The following CCSER1 variants were observed in gnomAD, a reference collection of about 807,000 sequenced individuals.
CCSER1 encodes coiled-coil serine rich protein 1.
Under a neutral mutation model 82.0 loss-of-function variants are expected in CCSER1, and 41 were observed. The ratio of observed to expected loss-of-function variants is 0.50; its 90% CI spans 0.39 to 0.65. The LOEUF is 0.65. Among genes scored for constraint, CCSER1 ranks in the 30% least tolerant of loss-of-function variants. CCSER1 has a pLI of 0.00. For synonymous variants in CCSER1, 414 were observed against 383.9 expected (o/e 1.08, Z -0.92); for missense variants, 1,119 against 1,064.2 (o/e 1.05, Z -0.72).
At chr4:90,520,747 CAT>C (rs1203197244) in intron 5 of CCSER1, among the ~76,000 whole-genome samples, 11 of 152,038 alleles carry the variant, frequency 7.2e-5, no homozygotes, top group Non-Finnish European at 1.2e-4. Context: ...AAGGAAGAAA[CAT>C]GTGATGCAAA....
At chr4:91,203,998 T>C (rs1384672588) in intron 10 of CCSER1, among the ~76,000 whole-genome samples, 2 of 151,900 alleles carry the variant, frequency 1.3e-5, no homozygotes. Flanking sequence ...TTTTAATATA[T>C]AGTTAGTGAC....
intron 9 of CCSER1, among the ~76,000 whole-genome samples, chr4:90,948,710 A>T (rs1331298520): frequency 6.6e-6 from 1 of 152,074 alleles, no homozygotes. Context: ...CTTTGTAAAA[A>T]ATAGAATTAG....
chr4:90,921,268 G>A (rs1025810081), intron 8 of CCSER1, among the ~76,000 whole-genome samples: 1 of 150,980 alleles, frequency 6.6e-6, no homozygotes, highest in Non-Finnish European at 1.5e-5. Context: ...ACTTTCATAT[G>A]TTTACGGCCT....
intron 10 of CCSER1, among the ~76,000 whole-genome samples, chr4:91,151,988 G>A (rs1335820340): frequency 6.6e-6 from 1 of 152,144 alleles, no homozygotes; most frequent in African/African-American, 2.4e-5. Flanking sequence ...TGTCTATTAG[G>A]TCCACTTAGT....
intron 8 of CCSER1, among the ~76,000 whole-genome samples, chr4:90,914,133 A>G (rs1426999292): frequency 3.3e-5 from 5 of 152,210 alleles, no homozygotes; most frequent in East Asian, 1.9e-4. Context: ...TCAGCTGTGC[A>G]CCAAGTGGAC....
chr4:90,229,355 A>G (rs1287385478), intron 1 of CCSER1, among the ~76,000 whole-genome samples: 2 of 152,218 alleles, frequency 1.3e-5, no homozygotes. Context: ...CCAGAATTTC[A>G]TATCCAGCCA....
At chr4:90,836,850 C>A (rs971927106) in intron 8 of CCSER1, among the ~76,000 whole-genome samples, 3 of 152,226 alleles carry the variant, frequency 2.0e-5, no homozygotes, top group Non-Finnish European at 4.4e-5. Flanking sequence ...CTGGTCTAGA[C>A]CATCGCAACA....
chr4:90,581,918 T>C (rs1235346900), intron 5 of CCSER1, among the ~76,000 whole-genome samples: 1 of 152,084 alleles, frequency 6.6e-6, no homozygotes, highest in Non-Finnish European at 1.5e-5. Context: ...GGTAGCAACG[T>C]ACCATGTGTA....
intron 9 of CCSER1, among the ~76,000 whole-genome samples, chr4:90,986,836 AT>A (rs561148405): frequency 2.0e-5 from 3 of 151,748 alleles, no homozygotes. Flanking sequence ...TAAACTCCCC[AT>A]AACAACGCCT....
chr4:90,357,175 T>G (rs1744520757), intron 3 of CCSER1, among the ~76,000 whole-genome samples: 1 of 151,926 alleles, frequency 6.6e-6, no homozygotes, highest in Admixed American at 6.6e-5. Flanking sequence ...GTGCAAAATA[T>G]TACTTAATAA....
At chr4:90,532,451 C>T (rs1774649644) in intron 5 of CCSER1, among the ~76,000 whole-genome samples, 1 of 152,026 alleles carries the variant, frequency 6.6e-6, no homozygotes, top group Non-Finnish European at 1.5e-5. Context: ...CCACTTTCTA[C>T]CCATCTAGCC....
At position 90,969,351 on chromosome 4, in the gene CCSER1, C is replaced by T. The variant is rs115961567; in HGVS notation, c.2172+45904C>T. 2.2e-3 allele frequency among the ~76,000 whole-genome samples: 332 copies of T among 151,766 alleles called. 1 individual carries two copies. The highest frequency in any genetic ancestry group is 6.8e-3 in the Middle Eastern group (2 of 294). On this transcript the variant is annotated intron_variant, in intron 9 of 10. Coordinates refer to ENST00000509176, the MANE Select transcript of CCSER1 (RefSeq NM_001145065.2). ...TTCAAAAAGAATATACCAAGACACA[C>T]GATAAAAATATTATGAAAAGTAAAG...
chr4:90,206,994 T>A (rs1207098875), intron 1 of CCSER1, among the ~76,000 whole-genome samples: 1 of 152,106 alleles, frequency 6.6e-6, no homozygotes, highest in East Asian at 1.9e-4. Flanking sequence ...GAGACGAGGA[T>A]TGCAACCCCT....
intron 10 of CCSER1, among the ~76,000 whole-genome samples, chr4:91,352,275 G>A (rs189180457): frequency 1.3e-5 from 2 of 152,218 alleles, no homozygotes; most frequent in East Asian, 1.9e-4. Flanking sequence ...TTTTGAAACA[G>A]GGTCTCACTC....
chr4:91,176,685 G>T (rs1733409848), intron 10 of CCSER1, among the ~76,000 whole-genome samples: 1 of 152,178 alleles, frequency 6.6e-6, no homozygotes, highest in South Asian at 2.1e-4. Flanking sequence ...CTGAGACTTT[G>T]CTGAAGTTGC....
chr4:91,568,889 T>A (rs1763028529), intron 10 of CCSER1, among the ~76,000 whole-genome samples: 1 of 152,100 alleles, frequency 6.6e-6, no homozygotes, highest in East Asian at 1.9e-4. Flanking sequence ...GGAGAAATGG[T>A]GAGGTCATTT....
At chr4:90,405,224 G>T (rs1245236107) in intron 4 of CCSER1, among the ~76,000 whole-genome samples, 1 of 151,978 alleles carries the variant, frequency 6.6e-6, no homozygotes, top group Non-Finnish European at 1.5e-5. Context: ...GCCCTGGAAA[G>T]CTTCAGCAAT....
chr4:90,476,903 A>C (rs1310715032), intron 5 of CCSER1, among the ~76,000 whole-genome samples: 3 of 152,180 alleles, frequency 2.0e-5, no homozygotes, highest in Non-Finnish European at 4.4e-5. Context: ...GGACAACCCG[A>C]TAATATGACT....
chr4:91,180,238 G>A (rs1035121926), intron 10 of CCSER1, among the ~76,000 whole-genome samples: 1 of 152,210 alleles, frequency 6.6e-6, no homozygotes, highest in African/African-American at 2.4e-5. Context: ...TTGTCTCCCA[G>A]TTAGGCTACT....
Sources: allele counts gnomAD v4.1 joint callset (sites outside exome capture counted in the v4.1 genomes callset), GRCh38; gene constraint gnomAD v4.1.1; transcripts MANE v1.5; gene names NCBI Gene and HGNC (gene_info 2026-07-23, HGNC 2026-07-21).